Variants in OOSP2 observed in about 807,000 individuals in gnomAD.
OOSP2 encodes the protein oocyte-secreted protein 2.
OOSP2 carries 7 observed loss-of-function variants against 13.4 expected under a neutral mutation model. The observed-to-expected ratio is 0.52, with a 90% confidence interval of 0.30 to 0.98. The LOEUF is 0.98. OOSP2 is among the 50% of genes least tolerant of loss of function. OOSP2 has a pLI of 0.07. For synonymous variants in OOSP2, 75 were observed against 67.2 expected, an observed-to-expected ratio of 1.12 and a Z score of -0.57; for missense variants, 184 against 188.5, an observed-to-expected ratio of 0.98 and a Z score of 0.14.
chr11:60,040,573 G>T, intron 1 of OOSP2, 50 bp downstream of exon 1: 2 of 1,023,488 alleles, frequency 2.0e-6, no homozygotes, highest in South Asian at 1.3e-5. Flanking sequence ...TAATCATAAT[G>T]ATCGCTTTCC....
chr11:60,046,200 T>G (rs1855006675), intron 3 of OOSP2, among the ~76,000 whole-genome samples: 1 of 143,540 alleles, frequency 7.0e-6, no homozygotes, highest in African/African-American at 2.5e-5. Flanking sequence ...TCTGTCTCTC[T>G]CTCTCTCTCT....
Position 60,047,245 on chromosome 11 carries a change from A to G in OOSP2, c.*172A>G. 1 of 542,572 alleles carries G rather than the reference A, an allele frequency of 1.8e-6. No homozygotes were observed. Among genetic ancestry groups the G allele is most frequent in the South Asian group, 2.6e-5 (1 of 38,988 alleles). 33.6% of individuals were successfully genotyped at this position (542,572 alleles called of 1,614,324 possible). On this transcript the variant is annotated 3_prime_UTR_variant, in exon 4 of 4. Transcript: ENST00000278855. Reference sequence around the variant, plus strand: ...AGTTGATTAGTGAATGTGTATTTCTAAATATTTGTATTCAGTAGGGGTATG... The same window carrying G: ...AGTTGATTAGTGAATGTGTATTTCTGAATATTTGTATTCAGTAGGGGTATG...
At chr11:60,042,971 C>G (rs1039007382) in intron 1 of OOSP2, among the ~76,000 whole-genome samples, 1 of 151,768 alleles carries the variant, frequency 6.6e-6, no homozygotes, top group Admixed American at 6.6e-5. Flanking sequence ...GTGGCGCGAT[C>G]TTGGTTCACT....
chr11:60,040,591 T>C (rs774761143), intron 1 of OOSP2, 68 bp downstream of exon 1: 2 of 891,594 alleles, frequency 2.2e-6, no homozygotes, highest in South Asian at 1.3e-5. Flanking sequence ...TCCATGCAGG[T>C]GTTTTACTCC....
chr11:60,043,520 C>T lies in OOSP2; in HGVS notation c.116C>T (p.Ala39Val), dbSNP rs1475772428. ...DWLMVSVIPVAESRNLYIFAD... is the reference protein window; with the variant it reads ...DWLMVSVIPVVESRNLYIFAD... ...TTGATGGTCTCAGTTATCCCAGTTG[C>T]AGAAAGCAGAAATCTGTATATATTT... The change falls in exon 2 of 4, where the codon GCA becomes GTA. Residue 39 changes from alanine (A) to valine (V), a missense_variant. Physicochemically the swap from Ala to Val is moderately conservative, Grantham distance 64 (BLOSUM62 0). Coordinates refer to ENST00000278855, the MANE Select transcript of OOSP2 (RefSeq NM_173801.5). 5 of 1,612,954 alleles carry T rather than the reference C, an allele frequency of 3.1e-6. No homozygotes were observed. Among genetic ancestry groups the T allele is most frequent in the Non-Finnish European group, 4.2e-6 (5 of 1,179,142 alleles).
At position 60,046,444 on chromosome 11, in the gene OOSP2, T is replaced by TA. The variant is rs3216091; in HGVS notation, c.348-490dup. ...TATGTTGCTTGAAGCCTACTTTCCT[T>TA]AAAAAAAAAATGAAGACTTGGCCAA... is the stretch of plus-strand genomic sequence containing the variant. On this transcript the variant is annotated intron_variant, in intron 3 of 3. Coordinates refer to ENST00000278855, the MANE Select transcript of OOSP2 (RefSeq NM_173801.5). Among the ~76,000 whole-genome samples, 62 of 150,092 alleles carry TA rather than the reference T, an allele frequency of 4.1e-4. 1 individual carries two copies. The South Asian group carries it at 6.1e-3, about 15-fold the overall frequency.
intron 1 of OOSP2, among the ~76,000 whole-genome samples, chr11:60,042,881 T>G (rs138379597): frequency 2.0e-4 from 30 of 152,252 alleles, no homozygotes; most frequent in African/African-American, 7.2e-4. Flanking sequence ...TAAGGGGCTA[T>G]ACGGTTATGG....
At chr11:60,041,599 G>A (rs2134637879) in intron 1 of OOSP2, among the ~76,000 whole-genome samples, 1 of 152,240 alleles carries the variant, frequency 6.6e-6, no homozygotes, top group South Asian at 2.1e-4. Flanking sequence ...TGTAATCCCA[G>A]CACTTTGGGA....
intron 3 of OOSP2, among the ~76,000 whole-genome samples, chr11:60,046,516 GTCTC>G (rs527585680): frequency 2.0e-5 from 3 of 151,892 alleles, no homozygotes; most frequent in East Asian, 1.9e-4. Context: ...TAATGTTGTA[GTCTC>G]TCTCTCTCAT....
intron 3 of OOSP2, among the ~76,000 whole-genome samples, 195 bp downstream of exon 3, chr11:60,044,969 GTTTA>G (rs1326869580): frequency 6.6e-6 from 1 of 151,962 alleles, no homozygotes; most frequent in Non-Finnish European, 1.5e-5. Context: ...TGAATGTAAT[GTTTA>G]TTTTAGAATA....
At chr11:60,044,567 T>C (rs1389744404) in intron 2 of OOSP2, 104 bp from the exon 3 acceptor site, 2 of 528,156 alleles carry the variant, frequency 3.8e-6, no homozygotes, top group Non-Finnish European at 6.9e-6. Flanking sequence ...AGAATGACAG[T>C]AGCCATTTTT....
intron 3 of OOSP2, among the ~76,000 whole-genome samples, chr11:60,046,385 G>A (rs1028498473): frequency 6.6e-6 from 1 of 152,044 alleles, no homozygotes; most frequent in African/African-American, 2.4e-5. Flanking sequence ...GAGTAATCAT[G>A]ATAAATAGAT....
intron 2 of OOSP2, among the ~76,000 whole-genome samples, chr11:60,044,354 C>A (rs1414134881): frequency 6.6e-6 from 1 of 152,206 alleles, no homozygotes; most frequent in African/African-American, 2.4e-5. Flanking sequence ...AAACCACTCT[C>A]CGTTATTTGA....
chr11:60,043,763 G>T (rs1001666224), intron 2 of OOSP2, 116 bp downstream of exon 2: 6 of 589,548 alleles, frequency 1.0e-5, no homozygotes, highest in African/African-American at 5.6e-5. Context: ...TAATTTATGG[G>T]CAGGGGACAA....
chr11:60,046,619 G>A (rs1855011162), intron 3 of OOSP2: 1 of 472,400 alleles, frequency 2.1e-6, no homozygotes, highest in Non-Finnish European at 4.2e-6. Flanking sequence ...ACTGTTCTTA[G>A]GATCCATTTG....
At chr11:60,044,988 CAT>C (rs1282297171) in intron 3 of OOSP2, among the ~76,000 whole-genome samples, 3 of 149,192 alleles carry the variant, frequency 2.0e-5, no homozygotes, top group Non-Finnish European at 3.0e-5. Context: ...AGAATAAAAA[CAT>C]ATAGATTTAT....
intron 1 of OOSP2, among the ~76,000 whole-genome samples, chr11:60,043,126 G>A (rs1315432290): frequency 6.6e-6 from 1 of 151,960 alleles, no homozygotes; most frequent in African/African-American, 2.4e-5. Flanking sequence ...GGACGGTCTC[G>A]ATCTCCTGAC....
chr11:60,041,850 C>CAAAAAAAAAAAAAAAAAAA (rs571172974), intron 1 of OOSP2, among the ~76,000 whole-genome samples: 6 of 36,438 alleles, frequency 1.6e-4, no homozygotes, highest in African/African-American at 7.0e-4. Flanking sequence ...GACTCTGTCT[C>CAAAAAAAAAAAAAAAAAAA]AAAAAAAAAA....
chr11:60,046,528 C>T (rs1181096389), intron 3 of OOSP2, among the ~76,000 whole-genome samples: 1 of 152,148 alleles, frequency 6.6e-6, no homozygotes, highest in Non-Finnish European at 1.5e-5. Context: ...CTCTCTCTCT[C>T]ATATTCACTT....
Sources: allele counts gnomAD v4.1 joint callset (sites outside exome capture counted in the v4.1 genomes callset), GRCh38; gene constraint gnomAD v4.1.1; transcripts MANE v1.5; gene names NCBI Gene and HGNC (gene_info 2026-07-23, HGNC 2026-07-21).